The following SLCO3A1 variants were observed in gnomAD, a reference collection of about 807,000 sequenced individuals.
SLCO3A1 encodes the protein solute carrier organic anion transporter family member 3A1, also known as PGE1 transporter.
A neutral mutation model predicts 63.1 loss-of-function variants in SLCO3A1; 27 were observed. That is an observed-to-expected ratio of 0.43 (90% CI 0.32 to 0.59). The LOEUF is 0.59. SLCO3A1 is among the 20% of genes least tolerant of loss of function. SLCO3A1 has a pLI of 0.09. For synonymous variants in SLCO3A1, 473 were observed against 409.9 expected (o/e 1.15, Z -1.86); for missense variants, 773 against 945.8 (o/e 0.82, Z 2.40).
At chr15:92,030,505 G>A (rs1329139006) in intron 2 of SLCO3A1, among the ~76,000 whole-genome samples, 2 of 152,130 alleles carry the variant, frequency 1.3e-5, no homozygotes, top group African/African-American at 2.4e-5. Flanking sequence ...TAAAAACCTG[G>A]TGTCTTTTCT....
At chr15:91,960,652 T>C (rs557897719) in intron 2 of SLCO3A1, among the ~76,000 whole-genome samples, 1 of 152,352 alleles carries the variant, frequency 6.6e-6, no homozygotes, top group African/African-American at 2.4e-5. Context: ...CTTTTCTCAC[T>C]ATTTCATATG....
intron 9 of SLCO3A1, among the ~76,000 whole-genome samples, chr15:92,151,794 A>G (rs1273194387): frequency 6.6e-6 from 1 of 152,262 alleles, no homozygotes; most frequent in Non-Finnish European, 1.5e-5. Flanking sequence ...ATCTGAATGT[A>G]GAAAGGAAAA....
intron 2 of SLCO3A1, among the ~76,000 whole-genome samples, chr15:91,917,850 G>C (rs1219278949): frequency 2.6e-5 from 4 of 152,190 alleles, no homozygotes; most frequent in African/African-American, 9.7e-5. Context: ...GGTCTCCTGA[G>C]GTCCACCCTC....
At chr15:92,061,750 G>A (rs1368597006) in intron 2 of SLCO3A1, among the ~76,000 whole-genome samples, 1 of 152,168 alleles carries the variant, frequency 6.6e-6, no homozygotes, top group East Asian at 1.9e-4. Context: ...CAGGCCAGAA[G>A]GACCAGGAGC....
intron 2 of SLCO3A1, among the ~76,000 whole-genome samples, chr15:92,045,929 C>T (rs954795484): frequency 4.6e-5 from 7 of 152,162 alleles, no homozygotes; most frequent in South Asian, 2.1e-4. Flanking sequence ...TAACTGGCAT[C>T]GCTCTGTCCT....
chr15:92,105,642 G>C (rs962145300), intron 4 of SLCO3A1, among the ~76,000 whole-genome samples: 1 of 152,162 alleles, frequency 6.6e-6, no homozygotes, highest in African/African-American at 2.4e-5. Context: ...GTATGTGTGA[G>C]GTTCCTTAAT....
At chr15:92,136,451 A>G (rs546015754) in intron 7 of SLCO3A1, among the ~76,000 whole-genome samples, 1 of 152,204 alleles carries the variant, frequency 6.6e-6, no homozygotes, top group Non-Finnish European at 1.5e-5. Flanking sequence ...TGCTTCCTTC[A>G]TCAATAGAAA....
Position 92,164,406 on chromosome 15 carries a change from A to C in SLCO3A1, c.*1271A>C. On this transcript the variant is annotated 3_prime_UTR_variant, in exon 10 of 10. Transcript: ENST00000318445. Reference sequence around the variant, plus strand: ...ACAGGGGATAATGTGATGAATTGCAAATTTGCCTTTTAGCTTCCTTCCCCA... The same window carrying C: ...ACAGGGGATAATGTGATGAATTGCACATTTGCCTTTTAGCTTCCTTCCCCA... The C allele has an allele frequency of 1.0e-6, 1 of 985,404 alleles. No individual in the cohort carries two copies. The highest frequency in any genetic ancestry group is 1.2e-6 in the Non-Finnish European group (1 of 829,916). The allele number at this position is 985,404 out of a possible 1,614,324, so 61.0% of individuals were successfully genotyped here.
chr15:91,972,905 G>A (rs1367587750), intron 2 of SLCO3A1, among the ~76,000 whole-genome samples: 1 of 152,226 alleles, frequency 6.6e-6, no homozygotes, highest in Non-Finnish European at 1.5e-5. Context: ...CGGATCACCT[G>A]AGGTCAGGGG....
chr15:91,987,087 G>T (rs181590237), intron 2 of SLCO3A1, among the ~76,000 whole-genome samples: 2 of 152,234 alleles, frequency 1.3e-5, no homozygotes, highest in Admixed American at 1.3e-4. Flanking sequence ...AGCAGAAGTT[G>T]CTTTTTATCG....
chr15:92,171,948 G>A, exon 11 of SLCO3A1: 1 of 979,820 alleles, frequency 1.0e-6, no homozygotes, highest in South Asian at 1.4e-5. Context: ...GCTCCTCCCT[G>A]TCCGAGAACC....
intron 7 of SLCO3A1, among the ~76,000 whole-genome samples, chr15:92,139,935 AT>A (rs1285239771): frequency 2.0e-5 from 3 of 148,478 alleles, no homozygotes; most frequent in Non-Finnish European, 4.4e-5. Flanking sequence ...CAGCTCCTGG[AT>A]TCATTAATTT....
chr15:91,865,950 G>A lies in SLCO3A1; in HGVS notation c.180+11862G>A, dbSNP rs1480352876. On this transcript the variant is annotated intron_variant, in intron 1 of 9. Transcript: ENST00000318445. This position sits in a 1 kb window ranked among gnomAD's most constrained non-coding sequence, Gnocchi z 4.6. Reference sequence around the variant, plus strand: ...AAACTCTGTCTTCTTAAGTGTTTGGGTGAGGTAGGAGGATTGTTGGATATT... The same window carrying A: ...AAACTCTGTCTTCTTAAGTGTTTGGATGAGGTAGGAGGATTGTTGGATATT... Among the ~76,000 whole-genome samples the A allele has an allele frequency of 6.6e-5, 10 of 152,182 alleles. No individual in the cohort carries two copies. The highest frequency in any genetic ancestry group is 2.4e-4 in the African/African-American group (10 of 41,450).
Position 91,932,067 on chromosome 15 carries a change from A to G in SLCO3A1, c.646+15609A>G, listed in dbSNP as rs140682950. The stretch of plus-strand genomic sequence containing the variant: ...ATTGAGAGAGTGCATATCGTATGCA[A>G]GGCACTGAGCTCACTGTTGCCTTTA... On this transcript the variant is annotated intron_variant, in intron 2 of 9. Coordinates refer to ENST00000318445, the MANE Select transcript of SLCO3A1 (RefSeq NM_013272.4). Among the ~76,000 whole-genome samples, 6 of 152,148 alleles carry G rather than the reference A, an allele frequency of 3.9e-5. No homozygotes were observed. The East Asian group carries it at 9.7e-4, about 25-fold the overall frequency.
intron 8 of SLCO3A1, among the ~76,000 whole-genome samples, 184 bp downstream of exon 8, chr15:92,147,343 G>A (rs1485896939): frequency 1.3e-5 from 2 of 152,146 alleles, no homozygotes; most frequent in Non-Finnish European, 2.9e-5. Context: ...CTCCCACCAA[G>A]AGAAGAAGGC....
intron 2 of SLCO3A1, among the ~76,000 whole-genome samples, chr15:91,963,408 T>TC (rs1555418587): frequency 2.0e-3 from 45 of 22,944 alleles, no homozygotes; most frequent in African/African-American, 0.013. Flanking sequence ...TCGGGGAGGG[T>TC]GGGGGGGGGG....
At chr15:92,130,878 T>G (rs2047985223) in intron 7 of SLCO3A1, among the ~76,000 whole-genome samples, 1 of 122,672 alleles carries the variant, frequency 8.2e-6, no homozygotes, top group Non-Finnish European at 1.7e-5. Context: ...TGTCTCCAAG[T>G]TCGGGGCAAA....
chr15:92,150,152 A>G (rs2238348), intron 8 of SLCO3A1, among the ~76,000 whole-genome samples: 4,663 of 152,228 alleles, frequency 0.031, 304 homozygotes, highest in East Asian at 0.29. Flanking sequence ...TAGGAGTCCA[A>G]TGTTCGAGGG....
rs190152340 is a variant in SLCO3A1, at chr15:92,033,060, C to T, written c.647-61821C>T. Among the ~76,000 whole-genome samples, 21 of 152,138 alleles carry T rather than the reference C, an allele frequency of 1.4e-4. No homozygotes were observed. The highest frequency in any genetic ancestry group is 7.4e-5 in the Non-Finnish European group (5 of 68,014). On this transcript the variant is annotated intron_variant, in intron 2 of 9. Transcript: ENST00000318445. The surrounding 1 kb of genome is among the most constrained non-coding windows in gnomAD (Gnocchi z 4.5). ...TTAGCACTTAGAGCATGGATCAGAG[C>T]AAGGTATGTACAGGAAACTTTGTGA...
Sources: allele counts gnomAD v4.1 joint callset (sites outside exome capture counted in the v4.1 genomes callset), GRCh38; gene constraint gnomAD v4.1.1; non-coding constraint Gnocchi (gnomAD v3.1); transcripts MANE v1.5; gene names NCBI Gene and HGNC (gene_info 2026-07-23, HGNC 2026-07-21).